The following RFTN1 variants were observed in gnomAD, a reference collection of about 807,000 sequenced individuals.
The protein encoded by RFTN1 is raftlin, lipid raft linker 1, also known as raftlin.
In RFTN1, 26 loss-of-function variants were observed where a neutral mutation model predicts 46.5. That is an observed-to-expected ratio of 0.56 (90% confidence interval 0.41 to 0.78). The LOEUF (loss-of-function observed/expected upper bound fraction) is 0.78. Ranked by LOEUF, RFTN1 falls within the 30% of genes least tolerant of loss-of-function variation. RFTN1 has a pLI of 0.00. For missense variants in RFTN1, 693 were observed against 718.7 expected, an observed-to-expected ratio of 0.96 and a Z score of 0.41; for synonymous variants, 261 against 284.2, an observed-to-expected ratio of 0.92 and a Z score of 0.82.
chr3:16,368,588 A>G lies in RFTN1; in HGVS notation c.1030+1488T>C, dbSNP rs1332310613. ...CGGGAGGCTGAGGCAGGAGAATGGCATGAACCTGGGAGGTGGAGCTTGCAG... is the reference window on the plus strand; with the variant it reads ...CGGGAGGCTGAGGCAGGAGAATGGCGTGAACCTGGGAGGTGGAGCTTGCAG... On this transcript the variant is annotated intron_variant, in intron 6 of 9. Transcript: ENST00000334133. Among the ~76,000 whole-genome samples, 11 of 151,548 alleles carry G rather than the reference A, an allele frequency of 7.3e-5. No individual in the cohort carries two copies. The South Asian group carries it at 1.0e-3, about 14-fold the overall frequency.
chr3:16,317,953 C>G lies in RFTN1; in HGVS notation c.1333-721G>C, dbSNP rs2068602848. On this transcript the variant is annotated intron_variant, in intron 9 of 9. Transcript: ENST00000334133. The surrounding 1 kb of genome is among the most constrained non-coding windows in gnomAD (Gnocchi z 4.3). Reference sequence around the variant, plus strand: ...GACTGCATCACAGCCCAAATTCTCCCTCTGCCCGCTACTGTACCGACAAGT... The same window carrying G: ...GACTGCATCACAGCCCAAATTCTCCGTCTGCCCGCTACTGTACCGACAAGT... Among the ~76,000 whole-genome samples, 1 of 152,198 alleles carries G rather than the reference C, an allele frequency of 6.6e-6. No homozygotes were observed. Among genetic ancestry groups the G allele is most frequent in the Non-Finnish European group, 1.5e-5 (1 of 68,046 alleles).
At position 16,443,174 on chromosome 3, in the gene RFTN1, T is replaced by C. The variant is rs2125515925; in HGVS notation, c.146-9137A>G. Among the ~76,000 whole-genome samples, 1 of 152,362 alleles carries C rather than the reference T, an allele frequency of 6.6e-6. No individual in the cohort carries two copies. Among genetic ancestry groups the C allele is most frequent in the African/African-American group, 2.4e-5 (1 of 41,596 alleles). On this transcript the variant is annotated intron_variant, in intron 2 of 9. Coordinates refer to ENST00000334133, the MANE Select transcript of RFTN1 (RefSeq NM_015150.2). This position sits in a 1 kb window ranked among gnomAD's most constrained non-coding sequence, Gnocchi z 5.5. Reference sequence around the variant, plus strand: ...TTGTTTTCTATAATGGCTGTACTAGTTTACATTCCCACCAACGGGGTGCAA... The same window carrying C: ...TTGTTTTCTATAATGGCTGTACTAGCTTACATTCCCACCAACGGGGTGCAA...
At chr3:16,412,592 G>A (rs1165193968) in intron 3 of RFTN1, among the ~76,000 whole-genome samples, 1 of 152,206 alleles carries the variant, frequency 6.6e-6, no homozygotes, top group African/African-American at 2.4e-5. Flanking sequence ...CACACTCTAA[G>A]ATGACCCCCA....
In RFTN1 at chr3:16,404,107, AAT is replaced by A. The variant is rs1404198843; in HGVS notation, c.441+5266_441+5267del. Among the ~76,000 whole-genome samples the A allele has an allele frequency of 5.5e-3, 6 of 1,086 alleles. 1 individual carries two copies. The highest frequency in any genetic ancestry group is 0.041 in the African/African-American group (6 of 148). 0.7% of individuals were successfully genotyped at this position (1,086 alleles called of 152,430 possible). ...ATTTTATATATTATATATTATATAT[AAT>A]ATATAATATACATTTTATATATAAT... On this transcript the variant is annotated intron_variant, in intron 4 of 9. Coordinates refer to ENST00000334133, the MANE Select transcript of RFTN1 (RefSeq NM_015150.2).
chr3:16,502,386 A>C (rs538404839), intron 1 of RFTN1, among the ~76,000 whole-genome samples: 1 of 149,686 alleles, frequency 6.7e-6, no homozygotes, highest in South Asian at 2.1e-4. Flanking sequence ...CTTGTCTCAA[A>C]AAAAAAAAAA....
chr3:16,340,346 T>C (rs1575055349), intron 7 of RFTN1, among the ~76,000 whole-genome samples: 1 of 152,290 alleles, frequency 6.6e-6, no homozygotes, highest in South Asian at 2.1e-4. Context: ...TGTGAAGAGG[T>C]TCAGGTTAGC....
In RFTN1 at chr3:16,391,898, T is replaced by TG. The variant is rs1412100471; in HGVS notation, c.442-13797_442-13796insC. The stretch of plus-strand genomic sequence containing the variant: ...TTTTTTTTTGTTTTTTTTTTTGTTT[T>TG]TTTTACGGGGAAGAAAGCTAAGAAT... On this transcript the variant is annotated intron_variant, in intron 4 of 9. Coordinates refer to ENST00000334133, the MANE Select transcript of RFTN1 (RefSeq NM_015150.2). Among the ~76,000 whole-genome samples, 9 of 104,138 alleles carry TG rather than the reference T, an allele frequency of 8.6e-5. 2 individuals are homozygous for TG. Among genetic ancestry groups the TG allele is most frequent in the African/African-American group, 2.8e-4 (8 of 28,402 alleles). The allele number at this position is 104,138 out of a possible 152,430, so 68.3% of individuals were successfully genotyped here.
chr3:16,328,158 GCTCTC>G (rs2069921561), intron 7 of RFTN1, among the ~76,000 whole-genome samples: 1 of 152,256 alleles, frequency 6.6e-6, no homozygotes, highest in African/African-American at 2.4e-5. Context: ...AAACCTAAGG[GCTCTC>G]TGGCAGGGCC....
rs148481807 is a variant in RFTN1 at position 16,374,969 on chromosome 3, C to G, written c.826+2749G>C. ...TGGAGAATCCACTGGAAAGTCCTGT[C>G]TGAGCAGGCATTGCCTAGATTCCTC... is the stretch of plus-strand genomic sequence containing the variant. On this transcript the variant is annotated intron_variant, in intron 5 of 9. Transcript: ENST00000334133. This position sits in a 1 kb window ranked among gnomAD's most constrained non-coding sequence, Gnocchi z 5.4. Among the ~76,000 whole-genome samples, 61 of 152,266 alleles carry G rather than the reference C, an allele frequency of 4.0e-4. No homozygotes were observed. Among genetic ancestry groups the G allele is most frequent in the Middle Eastern group, 3.4e-3 (1 of 294 alleles).
intron 1 of RFTN1, among the ~76,000 whole-genome samples, chr3:16,508,958 G>A (rs1208652383): frequency 6.6e-6 from 1 of 152,222 alleles, no homozygotes; most frequent in Non-Finnish European, 1.5e-5. Flanking sequence ...GAAATGCGGT[G>A]AGTGAGACGG....
intron 2 of RFTN1, among the ~76,000 whole-genome samples, chr3:16,438,585 CAAAAAAAAAA>C (rs61019061): frequency 1.6e-4 from 5 of 30,464 alleles, no homozygotes; most frequent in Admixed American, 1.2e-3. Flanking sequence ...AACTCTGTCT[CAAAAAAAAAA>C]AAAAAAAAAA....
intron 2 of RFTN1, 72 bp from the exon 3 acceptor site, chr3:16,434,109 TC>T: frequency 7.5e-7 from 1 of 1,327,296 alleles, no homozygotes; most frequent in Non-Finnish European, 1.0e-6. Context: ...AAACCCCTCT[TC>T]CCTTGCCCTC....
intron 6 of RFTN1, among the ~76,000 whole-genome samples, chr3:16,362,915 G>A: frequency 6.6e-6 from 1 of 152,238 alleles, no homozygotes; most frequent in East Asian, 1.9e-4. Flanking sequence ...TGAGTCACAG[G>A]CCTGGGAAGG....
At position 16,465,104 on chromosome 3, in the gene RFTN1, C is replaced by T. The variant is rs1003292634; in HGVS notation, c.145+28621G>A. Among the ~76,000 whole-genome samples the T allele has an allele frequency of 4.0e-5, 6 of 151,842 alleles. No individual in the cohort carries two copies. The highest frequency in any genetic ancestry group is 1.3e-4 in the Admixed American group (2 of 15,256). On this transcript the variant is annotated intron_variant, in intron 2 of 9. Coordinates refer to ENST00000334133, the MANE Select transcript of RFTN1 (RefSeq NM_015150.2). The surrounding 1 kb of genome is among the most constrained non-coding windows in gnomAD (Gnocchi z 5.1). ...AGTAAGGAAAAGGGAGGTGTCTCAGCGAACACAATTAAGGGTCTTTCTATT... is the reference window on the plus strand; with the variant it reads ...AGTAAGGAAAAGGGAGGTGTCTCAGTGAACACAATTAAGGGTCTTTCTATT...
Position 16,475,941 on chromosome 3 carries a change from C to T in RFTN1, c.145+17784G>A, listed in dbSNP as rs145641837. Among the ~76,000 whole-genome samples the T allele has an allele frequency of 8.5e-5, 13 of 152,284 alleles. No homozygotes were observed. In the East Asian group the frequency reaches 2.5e-3, roughly 29 times the overall value. The stretch of plus-strand genomic sequence containing the variant: ...ATGCCAACTGGGACTTTTTGTCTTC[C>T]CTTAAGAGTGTGAATACTGCATGAA... On this transcript the variant is annotated intron_variant, in intron 2 of 9. Transcript: ENST00000334133. This position sits in a 1 kb window ranked among gnomAD's most constrained non-coding sequence, Gnocchi z 4.2.
In RFTN1 at chr3:16,460,584, T is replaced by G. The variant is rs1215633387; in HGVS notation, c.146-26547A>C. ...AAAACCTCACATTTCAAGCAGAGGCTGGGTGGGGAATATATATTTTTTTAA... is the reference window on the plus strand; with the variant it reads ...AAAACCTCACATTTCAAGCAGAGGCGGGGTGGGGAATATATATTTTTTTAA... On this transcript the variant is annotated intron_variant, in intron 2 of 9. Coordinates refer to ENST00000334133, the MANE Select transcript of RFTN1 (RefSeq NM_015150.2). This position sits in a 1 kb window ranked among gnomAD's most constrained non-coding sequence, Gnocchi z 4.8. Among the ~76,000 whole-genome samples, 2 of 151,920 alleles carry G rather than the reference T, an allele frequency of 1.3e-5. No individual in the cohort carries two copies. Among genetic ancestry groups the G allele is most frequent in the Non-Finnish European group, 2.9e-5 (2 of 67,880 alleles).
In RFTN1 at chr3:16,506,795, G is replaced by A. The variant is rs956277972; in HGVS notation, c.-9+6647C>T. Among the ~76,000 whole-genome samples, 12 of 152,098 alleles carry A rather than the reference G, an allele frequency of 7.9e-5. No homozygotes were observed. The East Asian group carries it at 9.6e-4, about 12-fold the overall frequency. ...AGTAAATTTCTGGAAGGCAGCAAGC[G>A]GGTCTTCTTCATCCCCAACAGCAGC... On this transcript the variant is annotated intron_variant, in intron 1 of 9. Transcript: ENST00000334133. The surrounding 1 kb of genome is among the most constrained non-coding windows in gnomAD (Gnocchi z 4.8).
rs1361941311 is a variant in RFTN1 at position 16,344,463 on chromosome 3, T to C, written c.1146+13469A>G. Among the ~76,000 whole-genome samples the C allele has an allele frequency of 3.3e-5, 5 of 151,296 alleles. No individual in the cohort carries two copies. The highest frequency in any genetic ancestry group is 1.2e-4 in the African/African-American group (5 of 41,064). On this transcript the variant is annotated intron_variant, in intron 7 of 9. Coordinates refer to ENST00000334133, the MANE Select transcript of RFTN1 (RefSeq NM_015150.2). This position sits in a 1 kb window ranked among gnomAD's most constrained non-coding sequence, Gnocchi z 4.4. ...ACTGGCATGGGTGGGTGGTCCAGAG[T>C]CTTCCCCACTCTCAGACCTGCCCTG...
chr3:16,370,007 A>G lies in RFTN1; in HGVS notation c.1030+69T>C, dbSNP rs1575156642. ...TGAATGAAGCAGACTCTGAAGAGGG[A>G]CTAAGATTTCAAGAGTTAGAAGCAG... On this transcript the variant is annotated intron_variant, in intron 6 of 9. Transcript: ENST00000334133. The surrounding 1 kb of genome is among the most constrained non-coding windows in gnomAD (Gnocchi z 5.5). The G allele has an allele frequency of 2.2e-6, 3 of 1,390,294 alleles. No individual in the cohort carries two copies. Among genetic ancestry groups the G allele is most frequent in the Non-Finnish European group, 3.1e-6 (3 of 977,536 alleles). The allele number at this position is 1,390,294 out of a possible 1,614,324, so 86.1% of individuals were successfully genotyped here. A position where few individuals can be genotyped will look rare whatever the true frequency, so the allele number is the denominator to read the frequency against.
Sources: allele counts gnomAD v4.1 joint callset (sites outside exome capture counted in the v4.1 genomes callset), GRCh38; gene constraint gnomAD v4.1.1; non-coding constraint Gnocchi (gnomAD v3.1); transcripts MANE v1.5; gene names NCBI Gene and HGNC (gene_info 2026-07-23, HGNC 2026-07-21).